Variants in CNOT4 observed in about 807,000 individuals in gnomAD.
CNOT4 encodes CCR4-NOT transcription complex subunit 4, also known as CCR4-associated factor 4.
CNOT4 carries 8 observed loss-of-function variants against 73.8 expected under a neutral mutation model. The ratio of observed to expected loss-of-function variants is 0.11; its 90% CI spans 0.06 to 0.20. The LOEUF (loss-of-function observed/expected upper bound fraction) is 0.20, where lower values mean the gene tolerates loss of function less well. CNOT4 is among the 10% of genes least tolerant of loss of function. The pLI, the probability that CNOT4 is intolerant of heterozygous loss-of-function variation, is 1.00. For missense variants in CNOT4, 564 were observed against 883.4 expected, an observed-to-expected ratio of 0.64 and a Z score of 4.58; for synonymous variants, 293 against 321.1, an observed-to-expected ratio of 0.91 and a Z score of 0.94.
intron 1 of CNOT4, among the ~76,000 whole-genome samples, chr7:135,449,903 C>T (rs1022183653): frequency 6.6e-6 from 1 of 151,128 alleles, no homozygotes; most frequent in Non-Finnish European, 1.5e-5. Flanking sequence ...GATATTCCAG[C>T]AGGAAGGAAG....
rs1368290361 is a variant in CNOT4 at position 135,364,895 on chromosome 7, T to G, written c.1628-829A>C. On this transcript the variant is annotated intron_variant, in intron 10 of 11. Coordinates refer to ENST00000541284, the MANE Select transcript of CNOT4 (RefSeq NM_001190850.2). This position sits in a 1 kb window ranked among gnomAD's most constrained non-coding sequence, Gnocchi z 4.3. ...CCATCCAGAATCCACATAGTATAAC[T>G]AACTGGTCAGGGGGAAAAGGGTGAA... Among the ~76,000 whole-genome samples the G allele has an allele frequency of 2.6e-5, 4 of 152,240 alleles. No homozygotes were observed. Among genetic ancestry groups the G allele is most frequent in the African/African-American group, 9.6e-5 (4 of 41,466 alleles).
chr7:135,383,290 A>G (rs1054391243), intron 10 of CNOT4, among the ~76,000 whole-genome samples: 3 of 152,194 alleles, frequency 2.0e-5, no homozygotes, highest in Non-Finnish European at 2.9e-5. Flanking sequence ...GGGCTCCTCA[A>G]CTACCAAACT....
At chr7:135,378,221 A>G (rs1026329194) in intron 10 of CNOT4, among the ~76,000 whole-genome samples, 2 of 152,204 alleles carry the variant, frequency 1.3e-5, no homozygotes, top group African/African-American at 4.8e-5. Flanking sequence ...AAGAGAGAGA[A>G]GGCTGGGCGC....
In CNOT4 at chr7:135,410,293, G is replaced by T. The variant is rs994473978; in HGVS notation, c.821+222C>A. Among the ~76,000 whole-genome samples the T allele has an allele frequency of 2.0e-5, 3 of 152,082 alleles. No homozygotes were observed. The East Asian group carries it at 5.8e-4, about 29-fold the overall frequency. On this transcript the variant is annotated intron_variant, in intron 7 of 11. Transcript: ENST00000541284. ...GAGTAGTCTGCAAATCACCACAAAA[G>T]GTGAACCCATCAAAAAGCTAGTCTG... is the stretch of plus-strand genomic sequence containing the variant.
chr7:135,437,819 C>A (rs575364622), intron 2 of CNOT4, among the ~76,000 whole-genome samples: 16 of 152,302 alleles, frequency 1.1e-4, no homozygotes, highest in African/African-American at 3.8e-4. Flanking sequence ...TTTCATGCAA[C>A]CCTATCCAAA....
chr7:135,439,940 A>T (rs1283723378), intron 1 of CNOT4, among the ~76,000 whole-genome samples: 1 of 152,178 alleles, frequency 6.6e-6, no homozygotes, highest in African/African-American at 2.4e-5. Flanking sequence ...CTGCAATTTT[A>T]AAAAATCCCA....
Position 135,438,224 on chromosome 7 carries a change from C to T in CNOT4, c.108G>A (p.Gln36=), listed in dbSNP as rs1799274283. Residue 36 remains glutamine (Q), a synonymous_variant, in exon 2 of 12, where the codon CAG becomes CAA. Coordinates refer to ENST00000541284, the MANE Select transcript of CNOT4 (RefSeq NM_001190850.2). ...TTCGATGCCAACAAAATCGGCAAAT[C>T]TGGTAGCCACAGGTGCAAGGGAAAA... is the stretch of plus-strand genomic sequence containing the variant. The part of the protein sequence containing the change: ...INFFPCTCGY[Q]ICRFCWHRIR... 1.2e-6 allele frequency: 2 copies of T among 1,612,760 alleles called. No homozygotes were observed. Among genetic ancestry groups the T allele is most frequent in the Non-Finnish European group, 1.7e-6 (2 of 1,178,784 alleles).
At chr7:135,472,929 T>A (rs1801731707) in intron 1 of CNOT4, among the ~76,000 whole-genome samples, 1 of 151,734 alleles carries the variant, frequency 6.6e-6, no homozygotes, top group Non-Finnish European at 1.5e-5. Flanking sequence ...CAGTCCCAGC[T>A]ACATGGGAGG....
In CNOT4 at chr7:135,395,614, T is replaced by C; in HGVS notation, c.1129+20A>G. The C allele has an allele frequency of 6.2e-7, 1 of 1,604,312 alleles. No individual in the cohort carries two copies. Among genetic ancestry groups the C allele is most frequent in the Non-Finnish European group, 8.5e-7 (1 of 1,173,412 alleles). ...ACGTTAAGAGCATAATTACTAATACTTGGTACTATTGTTATATACCTGATG... is the reference window on the plus strand; with the variant it reads ...ACGTTAAGAGCATAATTACTAATACCTGGTACTATTGTTATATACCTGATG... On this transcript the variant is annotated intron_variant, in intron 9 of 11. Transcript: ENST00000541284.
intron 2 of CNOT4, among the ~76,000 whole-genome samples, chr7:135,433,056 C>A (rs912604393): frequency 1.3e-5 from 2 of 152,080 alleles, no homozygotes; most frequent in Non-Finnish European, 2.9e-5. Context: ...GGGAAATATT[C>A]TTCGATCATA....
chr7:135,396,107 C>CTTTTTTTTT (rs71174519), intron 8 of CNOT4, among the ~76,000 whole-genome samples: 5 of 95,438 alleles, frequency 5.2e-5, no homozygotes, highest in African/African-American at 1.4e-4. Context: ...ACTAGTCTCC[C>CTTTTTTTTT]TTTTTTTTTT....
Position 135,429,175 on chromosome 7 carries a change from T to C in CNOT4, c.175-6822A>G, listed in dbSNP as rs577090571. Among the ~76,000 whole-genome samples the C allele has an allele frequency of 1.8e-3, 280 of 152,358 alleles. 3 individuals carry two copies. Among genetic ancestry groups the C allele is most frequent in the African/African-American group, 6.5e-3 (272 of 41,590 alleles). Reference sequence around the variant, plus strand: ...AGTTGTACTGTTAAGTAAAGATTCATGACTTTGTGGAACTTTTGCCCTTTT... The same window carrying C: ...AGTTGTACTGTTAAGTAAAGATTCACGACTTTGTGGAACTTTTGCCCTTTT... On this transcript the variant is annotated intron_variant, in intron 2 of 11. Transcript: ENST00000541284.
chr7:135,487,698 A>C (rs138403133), intron 1 of CNOT4, among the ~76,000 whole-genome samples: 1 of 152,120 alleles, frequency 6.6e-6, no homozygotes, highest in Non-Finnish European at 1.5e-5. Flanking sequence ...TATCTCATGC[A>C]TTGCTTTTTA....
intron 2 of CNOT4, among the ~76,000 whole-genome samples, chr7:135,422,577 T>C (rs1798252494): frequency 6.6e-6 from 1 of 152,142 alleles, no homozygotes; most frequent in East Asian, 1.9e-4. Context: ...CCACTTTTAG[T>C]GCTAAAACAT....
chr7:135,364,065 G>T lies in CNOT4; in HGVS notation c.1629C>A (p.Asp543Glu), dbSNP rs767602229. Residue 543 changes from aspartate to glutamate, a missense_variant and splice_region_variant, in exon 11 of 12, where the codon GAC becomes GAA. Asp to Glu is a conservative substitution (Grantham distance 45). Around this residue, in one of 10 missense-constraint regions of CNOT4, gnomAD observed 153 missense variants for 158.7 expected, o/e 0.96. Transcript: ENST00000541284. This position sits in a 1 kb window ranked among gnomAD's most constrained non-coding sequence, Gnocchi z 4.3. ...NTGLGGIPVA[D>E]NSSSVESLNM... Reference sequence around the variant, plus strand: ...TTAAACTCTCTACAGAACTGCTGTTGTCTGGGAGATTTACCAACAAAAAAA... The same window carrying T: ...TTAAACTCTCTACAGAACTGCTGTTTTCTGGGAGATTTACCAACAAAAAAA... The T allele has an allele frequency of 1.3e-5, 20 of 1,567,454 alleles. No homozygotes were observed. Among genetic ancestry groups the T allele is most frequent in the Non-Finnish European group, 1.7e-5 (20 of 1,162,982 alleles).
chr7:135,431,534 G>C (rs1421576513), intron 2 of CNOT4, among the ~76,000 whole-genome samples: 1 of 152,134 alleles, frequency 6.6e-6, no homozygotes, highest in Non-Finnish European at 1.5e-5. Flanking sequence ...ACGAGGTCAG[G>C]AGATTGAGAC....
At chr7:135,451,110 A>C (rs1800133977) in intron 1 of CNOT4, among the ~76,000 whole-genome samples, 1 of 152,218 alleles carries the variant, frequency 6.6e-6, no homozygotes, top group Admixed American at 6.5e-5. Context: ...CATGAGTAGA[A>C]GCAATTGCAG....
At chr7:135,440,912 CAAA>C (rs77371734) in intron 1 of CNOT4, among the ~76,000 whole-genome samples, 1 of 104,994 alleles carries the variant, frequency 9.5e-6, no homozygotes, top group Admixed American at 1.0e-4. Context: ...GACTCCGTCT[CAAA>C]AAAAAAAAAA....
At chr7:135,471,937 C>T (rs923659551) in intron 1 of CNOT4, among the ~76,000 whole-genome samples, 2 of 152,090 alleles carry the variant, frequency 1.3e-5, no homozygotes, top group Non-Finnish European at 2.9e-5. Context: ...TTTTGGGAGG[C>T]CAAGGCAGGC....
Sources: allele counts gnomAD v4.1 joint callset (sites outside exome capture counted in the v4.1 genomes callset), GRCh38; gene constraint gnomAD v4.1.1; regional missense constraint gnomAD v4.1.1; non-coding constraint Gnocchi (gnomAD v3.1); transcripts MANE v1.5; gene names NCBI Gene and HGNC (gene_info 2026-07-23, HGNC 2026-07-21).